UBE2V2: variants seen among roughly 807,000 people sequenced by gnomAD.
UBE2V2 encodes the protein ubiquitin-conjugating enzyme E2 variant 2.
UBE2V2 carries 9 observed loss-of-function variants against 17.2 expected under a neutral mutation model. That is an observed-to-expected ratio of 0.52 (90% confidence interval 0.32 to 0.91). The LOEUF (loss-of-function observed/expected upper bound fraction) is 0.91. Ranked by LOEUF, UBE2V2 falls within the 40% of genes least tolerant of loss-of-function variation. UBE2V2 has a pLI of 0.04. For synonymous variants in UBE2V2, 61 were observed against 57.5 expected (o/e 1.06, Z -0.28); for missense variants, 133 against 182.6 (o/e 0.73, Z 1.56).
In UBE2V2 at chr8:48,062,552, T is replaced by TGG. The variant is rs1425780422; in HGVS notation, c.*1725_*1726insGG. The TGG allele has an allele frequency of 1.2e-4, 18 of 145,710 alleles. No homozygotes were observed. In the South Asian group the frequency reaches 1.5e-3, roughly 12 times the overall value. 9.0% of individuals were successfully genotyped at this position (145,710 alleles called of 1,614,324 possible). A position where few individuals can be genotyped will look rare whatever the true frequency, so the allele number is the denominator to read the frequency against. ...GGTTGCAGTGCCGAGAGCGCACCAC[T>TGG]GCTCCAGCCTGGGCAACAGAGCAAG... On this transcript the variant is annotated 3_prime_UTR_variant, in exon 4 of 4. Coordinates refer to ENST00000523111, the MANE Select transcript of UBE2V2 (RefSeq NM_003350.3).
At chr8:48,020,163 G>A (rs1282686207) in intron 1 of UBE2V2, among the ~76,000 whole-genome samples, 1 of 151,580 alleles carries the variant, frequency 6.6e-6, no homozygotes, top group Non-Finnish European at 1.5e-5. Context: ...TCAGCCTCCT[G>A]TGTAGCTGAC....
intron 1 of UBE2V2, among the ~76,000 whole-genome samples, chr8:48,012,575 G>A (rs1176858338): frequency 1.3e-5 from 2 of 151,784 alleles, no homozygotes; most frequent in African/African-American, 4.8e-5. Flanking sequence ...AAAATTATCC[G>A]GGCGTGGTGG....
chr8:48,000,318 A>C, the UBE2V2 span, among the ~76,000 whole-genome samples: 243 of 152,304 alleles, frequency 1.6e-3, no homozygotes, highest in African/African-American at 5.4e-3. Context: ...AATTATCCTT[A>C]GTCTCCCACT....
chr8:48,051,869 G>A (rs1193618021), intron 3 of UBE2V2, among the ~76,000 whole-genome samples: 2 of 152,118 alleles, frequency 1.3e-5, no homozygotes, highest in Admixed American at 1.3e-4. Context: ...TGCACCTGCT[G>A]GGCCATTAAC....
At chr8:48,040,844 G>GTTTTT (rs71225699) in intron 1 of UBE2V2, among the ~76,000 whole-genome samples, 1,112 of 73,984 alleles carry the variant, frequency 0.015, 6 homozygotes, top group Non-Finnish European at 0.02. Context: ...GCCAGGCTGG[G>GTTTTT]TTTTTTTTTT....
At chr8:48,030,554 C>A (rs2091375379) in intron 1 of UBE2V2, among the ~76,000 whole-genome samples, 1 of 152,172 alleles carries the variant, frequency 6.6e-6, no homozygotes, top group Non-Finnish European at 1.5e-5. Flanking sequence ...AACCCTGTCT[C>A]TACTAAAAAT....
rs746058719 is a variant in UBE2V2, at chr8:48,008,475, G to A, written c.16+5G>A. On this transcript the variant is annotated splice_donor_5th_base_variant and intron_variant, in intron 1 of 3. Transcript: ENST00000523111. ...AGAAGATGGCGGTCTCCACAGGTCG[G>A]TTCCCGGGCCGGGCTGCGTGATTTT... 3 of 1,567,644 alleles carry A rather than the reference G, an allele frequency of 1.9e-6. No homozygotes were observed. Among genetic ancestry groups the A allele is most frequent in the Non-Finnish European group, 2.6e-6 (3 of 1,158,894 alleles).
intron 1 of UBE2V2, among the ~76,000 whole-genome samples, chr8:48,018,440 C>T (rs2091284143): frequency 6.6e-6 from 1 of 151,956 alleles, no homozygotes; most frequent in Admixed American, 6.6e-5. Context: ...ATGTGTTTAA[C>T]TTCCATGTTT....
At chr8:48,048,230 C>G (rs2154507887) in intron 2 of UBE2V2, among the ~76,000 whole-genome samples, 1 of 152,318 alleles carries the variant, frequency 6.6e-6, no homozygotes, top group Middle Eastern at 3.4e-3. Context: ...CTTTACTCAG[C>G]ATGAAGTCTG....
the UBE2V2 span, among the ~76,000 whole-genome samples, chr8:48,000,964 A>G: frequency 3.9e-3 from 599 of 152,002 alleles, 4 homozygotes; most frequent in South Asian, 0.025. Flanking sequence ...TGACGACTTG[A>G]GGCCTTGTGG....
At chr8:48,057,204 T>A (rs1201698108) in intron 3 of UBE2V2, among the ~76,000 whole-genome samples, 1 of 152,254 alleles carries the variant, frequency 6.6e-6, no homozygotes, top group Non-Finnish European at 1.5e-5. Context: ...ACTTGATGAA[T>A]ATTGTCATCT....
intron 2 of UBE2V2, among the ~76,000 whole-genome samples, chr8:48,048,084 T>C (rs1453365102): frequency 6.6e-6 from 1 of 151,422 alleles, no homozygotes; most frequent in Non-Finnish European, 1.5e-5. Flanking sequence ...TTGACAAATG[T>C]AGCTTGTTAC....
chr8:48,017,829 G>A (rs972840264), intron 1 of UBE2V2, among the ~76,000 whole-genome samples: 1 of 146,970 alleles, frequency 6.8e-6, no homozygotes, highest in African/African-American at 2.5e-5. Context: ...CTGTTTTCTA[G>A]TAGTTTCATA....
At chr8:48,038,456 C>T (rs944884817) in intron 1 of UBE2V2, among the ~76,000 whole-genome samples, 2 of 151,906 alleles carry the variant, frequency 1.3e-5, no homozygotes, top group Admixed American at 6.6e-5. Flanking sequence ...GCTGGGACTA[C>T]AGGTGCGCAC....
intron 1 of UBE2V2, among the ~76,000 whole-genome samples, chr8:48,035,412 C>T (rs1476527669): frequency 5.9e-5 from 9 of 151,808 alleles, no homozygotes; most frequent in East Asian, 1.9e-4. Flanking sequence ...TGAGCCACCG[C>T]GCCCTGCCAC....
At chr8:48,057,854 A>G (rs958428307) in intron 3 of UBE2V2, among the ~76,000 whole-genome samples, 7 of 152,114 alleles carry the variant, frequency 4.6e-5, no homozygotes, top group African/African-American at 1.7e-4. Flanking sequence ...GAACTTGTTT[A>G]TTAGCTCTAA....
intron 3 of UBE2V2, among the ~76,000 whole-genome samples, chr8:48,055,598 T>C (rs1479179441): frequency 6.6e-6 from 1 of 152,096 alleles, no homozygotes; most frequent in Admixed American, 6.6e-5. Context: ...AATTCACCCA[T>C]TTAAAGGGTA....
rs936259625 is a variant in UBE2V2 at position 48,062,878 on chromosome 8, G to C, written c.*2050G>C. ...ATACAAATTAGTGCATTTGTAATTT[G>C]TTAAATTTGAAATGAACTATTACCT... On this transcript the variant is annotated 3_prime_UTR_variant, in exon 4 of 4. Transcript: ENST00000523111. The C allele has an allele frequency of 6.6e-6, 1 of 152,116 alleles. No homozygotes were observed. Among genetic ancestry groups the C allele is most frequent in the Non-Finnish European group, 1.5e-5 (1 of 68,016 alleles). The allele number at this position is 152,116 out of a possible 1,614,324, so 9.4% of individuals were successfully genotyped here.
chr8:48,008,680 G>A, intron 1 of UBE2V2: 9 of 486,410 alleles, frequency 1.9e-5, no homozygotes, highest in Non-Finnish European at 2.5e-5. Flanking sequence ...CTCGCGCGTC[G>A]GCCGCGCGCC....
Sources: gnomAD v4.1 joint callset for allele counts (sites outside exome capture counted in the v4.1 genomes callset) on GRCh38, gnomAD v4.1.1 for gene constraint, MANE v1.5 for transcripts, NCBI Gene and HGNC (gene_info 2026-07-23, HGNC 2026-07-21) for gene names.